The following L3MBTL4 variants were observed in gnomAD, a reference collection of about 807,000 sequenced individuals.
L3MBTL4 encodes the protein L3MBTL histone methyl-lysine binding protein 4, also known as lethal(3)malignant brain tumor-like protein 4.
Under a neutral mutation model 84.5 loss-of-function variants are expected in L3MBTL4, and 70 were observed. The ratio of observed to expected loss-of-function variants is 0.83; its 90% CI spans 0.68 to 1.01. The LOEUF (loss-of-function observed/expected upper bound fraction) is 1.01. L3MBTL4 is among the 50% of genes least tolerant of loss of function. The pLI is 0.00. For missense variants in L3MBTL4, 715 were observed against 754.8 expected (o/e 0.95, Z 0.62); for synonymous variants, 274 against 259.8 (o/e 1.05, Z -0.52).
intron 1 of L3MBTL4, among the ~76,000 whole-genome samples, chr18:6,394,043 C>G (rs546726259): frequency 3.0e-4 from 33 of 110,350 alleles, no homozygotes; most frequent in African/African-American, 1.1e-3. Context: ...AACTCTTTCC[C>G]TAGACACCAT....
chr18:6,177,540 T>C (rs922030277), intron 12 of L3MBTL4, among the ~76,000 whole-genome samples: 1 of 152,226 alleles, frequency 6.6e-6, no homozygotes, highest in Non-Finnish European at 1.5e-5. Flanking sequence ...CTATGCAGGA[T>C]ATATTATACA....
chr18:5,956,634 T>C (rs8098543), intron 18 of L3MBTL4, among the ~76,000 whole-genome samples: 56,245 of 152,086 alleles, frequency 0.37, 10,683 homozygotes, highest in East Asian at 0.49. Flanking sequence ...ACGAATTCAA[T>C]ATACACGAAC....
intron 1 of L3MBTL4, among the ~76,000 whole-genome samples, chr18:6,324,566 G>C (rs1036679150): frequency 6.6e-6 from 1 of 152,222 alleles, no homozygotes; most frequent in Non-Finnish European, 1.5e-5. Flanking sequence ...GCAAGCTGAC[G>C]CTTAAAATGT....
intron 1 of L3MBTL4, among the ~76,000 whole-genome samples, chr18:6,362,213 G>C (rs2053733628): frequency 8.7e-6 from 1 of 115,214 alleles, no homozygotes; most frequent in African/African-American, 3.4e-5. Flanking sequence ...GGGAAGGAGG[G>C]AGGGAGGGGA....
rs574221557 is a variant in L3MBTL4, at chr18:6,241,693, T to G, written c.461-244A>C. Among the ~76,000 whole-genome samples the G allele has an allele frequency of 2.0e-5, 3 of 152,300 alleles. No homozygotes were observed. In the East Asian group the frequency reaches 5.8e-4, roughly 29 times the overall value. On this transcript the variant is annotated intron_variant, in intron 7 of 18. Transcript: ENST00000317931. ...ATTGTTTCACCTTTTTAAAATGTAT[T>G]ATGTGCAAAACTGTTGATAGTGCTT... is the stretch of plus-strand genomic sequence containing the variant.
intron 5 of L3MBTL4, among the ~76,000 whole-genome samples, chr18:6,250,511 G>A (rs1041177092): frequency 2.0e-5 from 3 of 152,252 alleles, no homozygotes; most frequent in South Asian, 2.1e-4. Context: ...GGTGTATCAC[G>A]GAAGAGCGCT....
At chr18:6,118,129 C>T (rs192330564) in intron 14 of L3MBTL4, among the ~76,000 whole-genome samples, 20 of 151,872 alleles carry the variant, frequency 1.3e-4, no homozygotes, top group African/African-American at 4.3e-4. Context: ...ACTATCACCA[C>T]CTAACCCCAA....
chr18:6,333,753 G>A (rs567539980), intron 1 of L3MBTL4, among the ~76,000 whole-genome samples: 1 of 152,154 alleles, frequency 6.6e-6, no homozygotes, highest in African/African-American at 2.4e-5. Flanking sequence ...TCTTTTTTCT[G>A]TCATCAACTT....
intron 13 of L3MBTL4, among the ~76,000 whole-genome samples, chr18:6,161,208 C>T (rs1042365373): frequency 7.9e-5 from 12 of 152,148 alleles, no homozygotes; most frequent in East Asian, 3.8e-4. Context: ...GCAGACAAAT[C>T]GCGTCCTCAT....
chr18:6,159,793 C>A (rs1304166648), intron 13 of L3MBTL4, among the ~76,000 whole-genome samples: 1 of 152,186 alleles, frequency 6.6e-6, no homozygotes, highest in Admixed American at 6.5e-5. Flanking sequence ...CTGTTAGTTA[C>A]TAAGTGGTGC....
chr18:6,161,805 G>A (rs1226175255), intron 13 of L3MBTL4, among the ~76,000 whole-genome samples: 1 of 152,002 alleles, frequency 6.6e-6, no homozygotes, highest in Non-Finnish European at 1.5e-5. Flanking sequence ...TAGCAATCTA[G>A]ATTTCATTTT....
intron 1 of L3MBTL4, among the ~76,000 whole-genome samples, chr18:6,378,798 A>G (rs1437357430): frequency 6.6e-6 from 1 of 152,080 alleles, no homozygotes; most frequent in African/African-American, 2.4e-5. Context: ...TCTTGGCTAC[A>G]TGGGCTCTTT....
chr18:5,960,358 G>A (rs897944186), intron 17 of L3MBTL4, among the ~76,000 whole-genome samples: 2 of 152,124 alleles, frequency 1.3e-5, no homozygotes, highest in African/African-American at 2.4e-5. Context: ...TTATTACCGG[G>A]CTGACCTGCA....
chr18:6,215,971 T>A (rs972853850), intron 10 of L3MBTL4, 136 bp from the exon 11 acceptor site: 14 of 508,820 alleles, frequency 2.8e-5, no homozygotes, highest in Non-Finnish European at 4.4e-5. Context: ...GCTAAGAACT[T>A]CAGATATATT....
intron 1 of L3MBTL4, chr18:6,395,854 C>A (rs341230): frequency 6.6e-6 from 1 of 152,018 alleles, no homozygotes; most frequent in Non-Finnish European, 1.5e-5. Context: ...AACAAAATGT[C>A]GTAAAATGAT....
intron 7 of L3MBTL4, among the ~76,000 whole-genome samples, chr18:6,241,821 G>A (rs1297565179): frequency 6.6e-6 from 1 of 152,076 alleles, no homozygotes; most frequent in African/African-American, 2.4e-5. Flanking sequence ...AGGCTTTCCT[G>A]AATGGGCAAA....
intron 14 of L3MBTL4, among the ~76,000 whole-genome samples, chr18:6,103,088 C>G (rs2058888688): frequency 6.6e-6 from 1 of 152,148 alleles, no homozygotes; most frequent in African/African-American, 2.4e-5. Context: ...TATGCTGAAA[C>G]CAGTTTAATG....
At chr18:6,206,418 G>C (rs1173782831) in intron 12 of L3MBTL4, among the ~76,000 whole-genome samples, 2 of 152,146 alleles carry the variant, frequency 1.3e-5, no homozygotes, top group Non-Finnish European at 2.9e-5. Context: ...GCTCATGACT[G>C]AGCTGATGTC....
chr18:6,104,368 T>C (rs1438749916), intron 14 of L3MBTL4, among the ~76,000 whole-genome samples: 1 of 152,194 alleles, frequency 6.6e-6, no homozygotes, highest in East Asian at 1.9e-4. Context: ...ATATGGTATA[T>C]ACATACAATG....
Sources: allele counts gnomAD v4.1 joint callset (sites outside exome capture counted in the v4.1 genomes callset), GRCh38; gene constraint gnomAD v4.1.1; transcripts MANE v1.5; gene names NCBI Gene and HGNC (gene_info 2026-07-23, HGNC 2026-07-21).